The following USP46 variants were observed in gnomAD, a reference collection of about 807,000 sequenced individuals.
The protein encoded by USP46 is ubiquitin specific peptidase 46, also known as ubiquitin carboxyl-terminal hydrolase 46.
Under a neutral mutation model 44.4 loss-of-function variants are expected in USP46, and 12 were observed. That is an observed-to-expected ratio of 0.27 (90% CI 0.17 to 0.44). The LOEUF (loss-of-function observed/expected upper bound fraction) is 0.44, where lower values mean the gene tolerates loss of function less well. Among genes scored for constraint, USP46 ranks in the 20% least tolerant of loss-of-function variants. USP46 has a pLI of 1.00. For synonymous variants in USP46, 155 were observed against 161.5 expected, an observed-to-expected ratio of 0.96 and a Z score of 0.31; for missense variants, 248 against 444.8, an observed-to-expected ratio of 0.56 and a Z score of 3.98.
At chr4:52,645,341 C>T (rs1424652808) in intron 1 of USP46, among the ~76,000 whole-genome samples, 2 of 152,058 alleles carry the variant, frequency 1.3e-5, no homozygotes, top group Non-Finnish European at 2.9e-5. Context: ...ACATGACCAT[C>T]CCAAGTCATT....
intron 2 of USP46, 144 bp downstream of exon 2, chr4:52,630,920 G>T: frequency 1.5e-6 from 1 of 672,348 alleles, no homozygotes; most frequent in Non-Finnish European, 2.5e-6. Flanking sequence ...AGGTTAAGTT[G>T]CTTTCTCCCC....
At chr4:52,602,622 T>C (rs1051135742) in intron 6 of USP46, among the ~76,000 whole-genome samples, 1 of 152,204 alleles carries the variant, frequency 6.6e-6, no homozygotes, top group African/African-American at 2.4e-5. Context: ...AGTTTCCTTA[T>C]TTATAAAATG....
In USP46 at chr4:52,659,119, T is replaced by A; in HGVS notation, c.32A>T (p.Asn11Ile). 2 of 1,566,866 alleles carry A rather than the reference T, an allele frequency of 1.3e-6. No homozygotes were observed. Among genetic ancestry groups the A allele is most frequent in the South Asian group, 2.3e-5 (2 of 85,592 alleles). The change falls in exon 1 of 9, where the codon AAT becomes ATT. Residue 11 changes from asparagine to isoleucine, a missense_variant. Physicochemically the swap from Asn to Ile is moderately radical, Grantham distance 149. Around this residue, in one of 5 missense-constraint regions of USP46, gnomAD observed 31 missense variants for 32.5 expected, o/e 0.96. Coordinates refer to ENST00000441222, the MANE Select transcript of USP46 (RefSeq NM_022832.4). The surrounding 1 kb of genome is among the most constrained non-coding windows in gnomAD (Gnocchi z 4.2). Reference sequence around the variant, plus strand: ...CGAGGCGGCTCGGCCACTCACCATATTACAGATGGAGGCGATGTTTCGGAC... The same window carrying A: ...CGAGGCGGCTCGGCCACTCACCATAATACAGATGGAGGCGATGTTTCGGAC... MTVRNIASIC[N>I]MGTNASALEK... is the part of the protein sequence containing the mutation.
intron 4 of USP46, among the ~76,000 whole-genome samples, chr4:52,614,663 G>A (rs1717054156): frequency 6.6e-6 from 1 of 152,144 alleles, no homozygotes; most frequent in Non-Finnish European, 1.5e-5. Flanking sequence ...AAAGAGAAAT[G>A]ACACCAGTTT....
chr4:52,610,980 G>T (rs532184249), intron 4 of USP46, among the ~76,000 whole-genome samples: 1 of 152,258 alleles, frequency 6.6e-6, no homozygotes, highest in African/African-American at 2.4e-5. Context: ...AAAAGGACAA[G>T]AGACTTATAA....
chr4:52,597,463 A>G lies in USP46; in HGVS notation c.*177T>C, dbSNP rs1716288941. On this transcript the variant is annotated 3_prime_UTR_variant, in exon 9 of 9. Transcript: ENST00000441222. ...TAACTCTATGTCAGACTGAAATAAAACCAAGAGTAGTGCTGCATGTAAAAA... is the reference window on the plus strand; with the variant it reads ...TAACTCTATGTCAGACTGAAATAAAGCCAAGAGTAGTGCTGCATGTAAAAA... 4 of 562,212 alleles carry G rather than the reference A, an allele frequency of 7.1e-6. No individual in the cohort carries two copies. Among genetic ancestry groups the G allele is most frequent in the East Asian group, 3.2e-5 (1 of 30,898 alleles). 34.8% of individuals were successfully genotyped at this position (562,212 alleles called of 1,614,324 possible).
In USP46 at chr4:52,659,076, G is replaced by C. The variant is rs760655878; in HGVS notation, c.36+39C>G. The C allele has an allele frequency of 5.2e-6, 8 of 1,541,498 alleles. No homozygotes were observed. In the African/African-American group the frequency reaches 8.5e-5, roughly 16 times the overall value. On this transcript the variant is annotated intron_variant, in intron 1 of 8. Coordinates refer to ENST00000441222, the MANE Select transcript of USP46 (RefSeq NM_022832.4). This position sits in a 1 kb window ranked among gnomAD's most constrained non-coding sequence, Gnocchi z 4.2. ...CGGGCTTCCCTTTCTTTGCCTCGCC[G>C]CGAGTCGGGCGCGACCCCGAGGCGG...
intron 1 of USP46, among the ~76,000 whole-genome samples, chr4:52,643,814 C>A (rs1456003764): frequency 6.6e-6 from 1 of 152,180 alleles, no homozygotes; most frequent in East Asian, 1.9e-4. Context: ...AGGGAACCTG[C>A]CCAAGCTCAC....
intron 4 of USP46, among the ~76,000 whole-genome samples, chr4:52,613,983 C>T (rs1021690138): frequency 1.3e-5 from 2 of 151,876 alleles, no homozygotes; most frequent in Non-Finnish European, 2.9e-5. Context: ...AAACGTGAAA[C>T]CCCAGTAAAG....
chr4:52,598,490 G>C (rs1261707746), intron 8 of USP46, 138 bp downstream of exon 8: 1 of 830,848 alleles, frequency 1.2e-6, no homozygotes, highest in Non-Finnish European at 1.9e-6. Flanking sequence ...AGCAGAATTT[G>C]GTTTTGAATA....
At chr4:52,629,051 A>G (rs1174199653) in intron 2 of USP46, among the ~76,000 whole-genome samples, 1 of 152,224 alleles carries the variant, frequency 6.6e-6, no homozygotes, top group Non-Finnish European at 1.5e-5. Flanking sequence ...TTTAAAGAAA[A>G]AAATTCTAAG....
At position 52,592,805 on chromosome 4, in the gene USP46, C is replaced by T; in HGVS notation, c.*4835G>A. The T allele has an allele frequency of 2.5e-6, 1 of 398,216 alleles. No homozygotes were observed. The highest frequency in any genetic ancestry group is 4.4e-6 in the Non-Finnish European group (1 of 226,072). The allele number at this position is 398,216 out of a possible 1,614,324, so 24.7% of individuals were successfully genotyped here. A position where few individuals can be genotyped will look rare whatever the true frequency, so the allele number is the denominator to read the frequency against. On this transcript the variant is annotated 3_prime_UTR_variant, in exon 9 of 9. Coordinates refer to ENST00000441222, the MANE Select transcript of USP46 (RefSeq NM_022832.4). Reference sequence around the variant, plus strand: ...AGTGAGCTGAGATCTCATCACTGCACTCCAGCCTGGGTGACAGTGAGACTC... The same window carrying T: ...AGTGAGCTGAGATCTCATCACTGCATTCCAGCCTGGGTGACAGTGAGACTC...
chr4:52,632,990 A>AAAAGAAAAAAAGAAAG (rs1717961084), intron 1 of USP46, among the ~76,000 whole-genome samples: 1 of 66,294 alleles, frequency 1.5e-5, no homozygotes, highest in South Asian at 5.9e-4. Flanking sequence ...GAAAGAAAAG[A>AAAAGAAAAAAAGAAAG]AAAGAAAGAA....
chr4:52,659,034 C>T lies in USP46; in HGVS notation c.36+81G>A. The T allele has an allele frequency of 3.4e-6, 5 of 1,469,526 alleles. No individual in the cohort carries two copies. The highest frequency in any genetic ancestry group is 2.4e-5 in the Admixed American group (1 of 41,150). 91.0% of individuals were successfully genotyped at this position (1,469,526 alleles called of 1,614,324 possible). ...CCGCCGCCCCCGCCGCCCCAGCCACCGGGCGTGTGTGCAGCTCGGGCTTCC... is the reference window on the plus strand; with the variant it reads ...CCGCCGCCCCCGCCGCCCCAGCCACTGGGCGTGTGTGCAGCTCGGGCTTCC... On this transcript the variant is annotated intron_variant, in intron 1 of 8. Coordinates refer to ENST00000441222, the MANE Select transcript of USP46 (RefSeq NM_022832.4). The surrounding 1 kb of genome is among the most constrained non-coding windows in gnomAD (Gnocchi z 4.2).
intron 7 of USP46, 146 bp downstream of exon 7, chr4:52,601,711 T>C (rs988819360): frequency 3.0e-6 from 2 of 675,960 alleles, no homozygotes; most frequent in Non-Finnish European, 4.5e-6. Context: ...CATGTTTATA[T>C]ATTTTTTGTG....
chr4:52,633,096 C>T (rs192674779), intron 1 of USP46, among the ~76,000 whole-genome samples: 46 of 152,314 alleles, frequency 3.0e-4, no homozygotes, highest in African/African-American at 9.1e-4. Flanking sequence ...TCACAACTGG[C>T]ATCTCCTCTC....
At position 52,659,004 on chromosome 4, in the gene USP46, G is replaced by A. The variant is rs79002691; in HGVS notation, c.36+111C>T. On this transcript the variant is annotated intron_variant, in intron 1 of 8. Coordinates refer to ENST00000441222, the MANE Select transcript of USP46 (RefSeq NM_022832.4). The surrounding 1 kb of genome is among the most constrained non-coding windows in gnomAD (Gnocchi z 4.2). ...GGGGGCCGGGAACTTCTGGCGGCGC[G>A]GACCCCGCCGCCCCCGCCGCCCCAG... The A allele has an allele frequency of 3.7e-6, 5 of 1,345,306 alleles. No homozygotes were observed. The highest frequency in any genetic ancestry group is 3.1e-5 in the Admixed American group (1 of 31,832). The allele number at this position is 1,345,306 out of a possible 1,614,324, so 83.3% of individuals were successfully genotyped here. A position where few individuals can be genotyped will look rare whatever the true frequency, so the allele number is the denominator to read the frequency against.
chr4:52,618,058 A>G (rs1037703051), intron 4 of USP46, among the ~76,000 whole-genome samples: 1 of 152,264 alleles, frequency 6.6e-6, no homozygotes, highest in African/African-American at 2.4e-5. Flanking sequence ...CTTATAAATC[A>G]TGAGCTTTGC....
chr4:52,601,837 G>A lies in USP46; in HGVS notation c.920+20C>T, dbSNP rs758036854. The A allele has an allele frequency of 6.2e-7, 1 of 1,609,414 alleles. No homozygotes were observed. Among genetic ancestry groups the A allele is most frequent in the Non-Finnish European group, 8.5e-7 (1 of 1,178,152 alleles). ...ACCCTTACACTTACCCTGTATACCT[G>A]CTTCCAGTCTTGCCCTTACCTGCCA... is the stretch of plus-strand genomic sequence containing the variant. On this transcript the variant is annotated intron_variant, in intron 7 of 8. Coordinates refer to ENST00000441222, the MANE Select transcript of USP46 (RefSeq NM_022832.4).
Sources: gnomAD v4.1 joint callset for allele counts (sites outside exome capture counted in the v4.1 genomes callset) on GRCh38, gnomAD v4.1.1 for gene constraint, gnomAD v4.1.1 regional missense constraint, Gnocchi (gnomAD v3.1) non-coding constraint, MANE v1.5 for transcripts, NCBI Gene and HGNC (gene_info 2026-07-23, HGNC 2026-07-21) for gene names.